ZPLD1: variants seen among roughly 807,000 people sequenced by gnomAD.
ZPLD1 encodes zona pellucida like domain containing 1, also known as zona pellucida-like domain-containing protein 1.
ZPLD1 carries 34 observed loss-of-function variants against 47.2 expected under a neutral mutation model. That is an observed-to-expected ratio of 0.72 (90% CI 0.55 to 0.96). The LOEUF is 0.96. ZPLD1 is among the 40% of genes least tolerant of loss of function. ZPLD1 has a pLI of 0.00. For synonymous variants in ZPLD1, 176 were observed against 186.2 expected (o/e 0.95, Z 0.45); for missense variants, 512 against 505.8 (o/e 1.01, Z -0.12).
At chr3:102,405,756 T>C (rs1706674222) in intron 7 of ZPLD1, among the ~76,000 whole-genome samples, 1 of 152,040 alleles carries the variant, frequency 6.6e-6, no homozygotes, top group South Asian at 2.1e-4. Flanking sequence ...AGAAAATTTA[T>C]TCTTCTTTGT....
At chr3:102,453,501 A>C (rs780868006) in intron 4 of ZPLD1, among the ~76,000 whole-genome samples, 33 of 152,216 alleles carry the variant, frequency 2.2e-4, no homozygotes, top group African/African-American at 7.7e-4. Context: ...TGAGTCTGGC[A>C]GTGAACCGCT....
intron 7 of ZPLD1, among the ~76,000 whole-genome samples, chr3:102,399,007 T>C (rs1274035932): frequency 6.6e-6 from 1 of 152,148 alleles, no homozygotes; most frequent in East Asian, 1.9e-4. Flanking sequence ...ACAACGCTAG[T>C]ACATTAGTAA....
chr3:102,456,513 C>T, intron 5 of ZPLD1, 139 bp downstream of exon 5: 1 of 713,698 alleles, frequency 1.4e-6, no homozygotes, highest in South Asian at 1.8e-5. Context: ...CATATTATGT[C>T]TAATATATTT....
chr3:102,451,182 A>G (rs1470625653), intron 3 of ZPLD1, among the ~76,000 whole-genome samples: 1 of 152,190 alleles, frequency 6.6e-6, no homozygotes, highest in Non-Finnish European at 1.5e-5. Context: ...TGCTAGGAAA[A>G]AAACCCAGTA....
chr3:102,459,308 A>G (rs1019077037), intron 6 of ZPLD1, among the ~76,000 whole-genome samples: 3 of 152,090 alleles, frequency 2.0e-5, no homozygotes, highest in African/African-American at 4.8e-5. Context: ...TGGATTTAAT[A>G]TTATTTGTTC....
intron 6 of ZPLD1, among the ~76,000 whole-genome samples, chr3:102,391,985 C>T (rs1215626450): frequency 6.6e-6 from 1 of 152,026 alleles, no homozygotes; most frequent in Non-Finnish European, 1.5e-5. Flanking sequence ...AAAGAAAAAC[C>T]CTAATCAACT....
At chr3:102,476,925 G>A (rs1328386954) in intron 10 of ZPLD1, 87 bp from the exon 11 acceptor site, 44 of 1,460,264 alleles carry the variant, frequency 3.0e-5, no homozygotes, top group Non-Finnish European at 4.1e-5. Context: ...TAAAAATGTA[G>A]GTACAATGTA....
At chr3:102,438,740 T>C (rs1412031931) in intron 3 of ZPLD1, 147 bp downstream of exon 3, 2 of 546,528 alleles carry the variant, frequency 3.7e-6, no homozygotes, top group East Asian at 3.0e-5. Flanking sequence ...AAGACATTTT[T>C]CTGGAGCTGT....
intron 7 of ZPLD1, among the ~76,000 whole-genome samples, chr3:102,393,053 A>G (rs1465976979): frequency 6.6e-6 from 1 of 152,126 alleles, no homozygotes; most frequent in East Asian, 1.9e-4. Context: ...TTTCTTATCT[A>G]AGGCCTAAAC....
chr3:102,460,520 G>C (rs1408075113), intron 6 of ZPLD1, among the ~76,000 whole-genome samples: 1 of 151,986 alleles, frequency 6.6e-6, no homozygotes, highest in Non-Finnish European at 1.5e-5. Flanking sequence ...GGATGCCTTT[G>C]TGTATTGGAA....
At chr3:102,403,036 C>T (rs1706639653) in intron 7 of ZPLD1, among the ~76,000 whole-genome samples, 1 of 151,874 alleles carries the variant, frequency 6.6e-6, no homozygotes, top group South Asian at 2.1e-4. Context: ...TGCTTCTGCC[C>T]ACTTCCCACC....
At chr3:102,430,160 T>C (rs534101181), upstream of ZPLD1, among the ~76,000 whole-genome samples, 8 of 152,174 alleles carry the variant, frequency 5.3e-5, no homozygotes, top group Non-Finnish European at 1.0e-4. Flanking sequence ...TGATGGACTT[T>C]CTTCCAAAAA....
intron 7 of ZPLD1, among the ~76,000 whole-genome samples, chr3:102,414,916 AACTT>A (rs1706787863): frequency 1.3e-5 from 2 of 151,920 alleles, no homozygotes; most frequent in Admixed American, 1.3e-4. Context: ...AATACAATAA[AACTT>A]TAGCCTCATA....
At chr3:102,443,632 T>G in intron 3 of ZPLD1, among the ~76,000 whole-genome samples, 1 of 152,326 alleles carries the variant, frequency 6.6e-6, no homozygotes, top group Non-Finnish European at 1.5e-5. Context: ...GTAATATTTT[T>G]AATATTTTAA....
chr3:102,464,465 G>C (rs1165621237), intron 8 of ZPLD1, among the ~76,000 whole-genome samples: 3 of 152,196 alleles, frequency 2.0e-5, no homozygotes, highest in African/African-American at 7.2e-5. Context: ...TGTTGAATCA[G>C]AGTTCTAAGT....
chr3:102,451,372 C>T (rs1286250388), intron 3 of ZPLD1, among the ~76,000 whole-genome samples: 26 of 152,166 alleles, frequency 1.7e-4, no homozygotes, highest in Admixed American at 1.6e-3. Flanking sequence ...TGGTTTTCCT[C>T]TTTTGGACAA....
chr3:102,435,522 A>T lies in ZPLD1; in HGVS notation c.-123+368A>T, dbSNP rs146949676. Among the ~76,000 whole-genome samples, 9 of 152,192 alleles carry T rather than the reference A, an allele frequency of 5.9e-5. No individual in the cohort carries two copies. In the East Asian group the frequency reaches 1.7e-3, roughly 29 times the overall value. ...ATTGGATGCCCTTGTGGAGGGTACG[A>T]CCTGCACATCAATATGTGGTGGCCT... On this transcript the variant is annotated intron_variant, in intron 1 of 11. Coordinates refer to ENST00000466937, the MANE Select transcript of ZPLD1 (RefSeq NM_001329788.2).
At chr3:102,417,509 TAAAC>T (rs1559745160) in intron 7 of ZPLD1, among the ~76,000 whole-genome samples, 1 of 151,882 alleles carries the variant, frequency 6.6e-6, no homozygotes, top group Admixed American at 6.6e-5. Context: ...TGGAGGCCCC[TAAAC>T]AAAAGCCGAG....
At position 102,456,181 on chromosome 3, in the gene ZPLD1, A is replaced by G; in HGVS notation, c.328-12A>G. ...CCATTTAATCATTAAACTGCATCTA[A>G]CATTCTAACAGGTATCCACAATTCC... On this transcript the variant is annotated splice_polypyrimidine_tract_variant and intron_variant, in intron 4 of 11. Coordinates refer to ENST00000466937, the MANE Select transcript of ZPLD1 (RefSeq NM_001329788.2). 6.2e-7 allele frequency: 1 copy of G among 1,606,066 alleles called. No individual in the cohort carries two copies. The highest frequency in any genetic ancestry group is 8.5e-7 in the Non-Finnish European group (1 of 1,176,546).
Sources: allele counts gnomAD v4.1 joint callset (sites outside exome capture counted in the v4.1 genomes callset), GRCh38; gene constraint gnomAD v4.1.1; transcripts MANE v1.5; gene names NCBI Gene and HGNC (gene_info 2026-07-23, HGNC 2026-07-21).